NUP210L: variants seen among roughly 807,000 people sequenced by gnomAD.
The protein encoded by NUP210L is nuclear pore membrane glycoprotein 210-like.
A neutral mutation model predicts 208.5 loss-of-function variants in NUP210L; 74 were observed. The ratio of observed to expected loss-of-function variants is 0.35; its 90% CI spans 0.29 to 0.43. The LOEUF (loss-of-function observed/expected upper bound fraction) is 0.43, where lower values mean the gene tolerates loss of function less well. NUP210L is among the 20% of genes least tolerant of loss of function. The probability of loss-of-function intolerance (pLI) is 1.00; values close to 1 mark genes in which losing one functional copy is unlikely to be tolerated. For missense variants in NUP210L, 1,843 were observed against 2,289.4 expected (o/e 0.81, Z 3.98); for synonymous variants, 780 against 816.9 (o/e 0.95, Z 0.77).
At chr1:154,127,108 TAAA>T (rs5777889) in intron 9 of NUP210L, among the ~76,000 whole-genome samples, 200 bp downstream of exon 9, 1 of 132,538 alleles carries the variant, frequency 7.5e-6, no homozygotes, top group Non-Finnish European at 1.6e-5. Context: ...TGTGTCTCTT[TAAA>T]AAAAAAAAAA....
exon 40 of NUP210L, chr1:153,992,840 G>T (rs1436463804): frequency 2.5e-6 from 4 of 1,608,282 alleles, no homozygotes; most frequent in Non-Finnish European, 3.4e-6. Flanking sequence ...AGAGGTTAGT[G>T]CCTTATACTC....
intron 6 of NUP210L, among the ~76,000 whole-genome samples, chr1:154,137,061 G>A (rs976684690): frequency 6.6e-6 from 1 of 151,966 alleles, no homozygotes; most frequent in Admixed American, 6.6e-5. Context: ...CTGGTAAAGT[G>A]TCTTAACTTG....
chr1:154,098,058 G>C (rs1656260255), intron 14 of NUP210L, among the ~76,000 whole-genome samples: 1 of 152,192 alleles, frequency 6.6e-6, no homozygotes, highest in Non-Finnish European at 1.5e-5. Context: ...GAGTGAGGAA[G>C]CATGGGGTCC....
intron 30 of NUP210L, among the ~76,000 whole-genome samples, chr1:154,025,252 G>A (rs1187135583): frequency 3.3e-5 from 5 of 151,748 alleles, no homozygotes; most frequent in African/African-American, 9.7e-5. Flanking sequence ...TATAACAAGG[G>A]CTCTAAAGTT....
chr1:154,144,205 T>C (rs1398220983), intron 2 of NUP210L, among the ~76,000 whole-genome samples: 1 of 151,922 alleles, frequency 6.6e-6, no homozygotes, highest in African/African-American at 2.4e-5. Flanking sequence ...AAATAAAAAA[T>C]AAAAAGTGAA....
intron 27 of NUP210L, among the ~76,000 whole-genome samples, chr1:154,043,682 A>T (rs1028510217): frequency 4.8e-5 from 7 of 146,730 alleles, no homozygotes; most frequent in Non-Finnish European, 7.4e-5. Context: ...GCTGGAGTGC[A>T]GTGGCGTGAT....
At chr1:154,099,679 A>C (rs1245894957) in intron 14 of NUP210L, among the ~76,000 whole-genome samples, 9 of 152,236 alleles carry the variant, frequency 5.9e-5, no homozygotes, top group Non-Finnish European at 1.3e-4. Context: ...AAAAATTCAG[A>C]TAGCACCTGA....
intron 31 of NUP210L, 150 bp downstream of exon 31, chr1:154,022,972 G>A: frequency 1.5e-6 from 1 of 667,138 alleles, no homozygotes; most frequent in Non-Finnish European, 2.5e-6. Context: ...CCACCCACCT[G>A]GCCTCACTTA....
rs146661088 is a variant in NUP210L, at chr1:154,049,932, T to G, written c.3484-3563A>C. 4.7e-3 allele frequency among the ~76,000 whole-genome samples: 713 copies of G among 152,286 alleles called. 2 individuals are homozygous for G. Among genetic ancestry groups the G allele is most frequent in the Middle Eastern group, 6.8e-3 (2 of 294 alleles). ...TGTTGCCAGAAGGCATGTTAAACAG[T>G]CCAGCAATTTGCCAGAAGTATGTAG... On this transcript the variant is annotated intron_variant, in intron 25 of 39. Coordinates refer to ENST00000368559, the Ensembl canonical transcript of NUP210L.
At chr1:154,000,707 T>A in intron 37 of NUP210L, 149 bp downstream of exon 37, 1 of 674,774 alleles carries the variant, frequency 1.5e-6, no homozygotes, top group Admixed American at 2.6e-5. Context: ...ATTTAAACTG[T>A]TTATTTCAGG....
chr1:154,131,774 T>C (rs987638298), intron 7 of NUP210L, among the ~76,000 whole-genome samples: 10 of 152,122 alleles, frequency 6.6e-5, no homozygotes, highest in African/African-American at 2.4e-4. Context: ...AGGAAACTCC[T>C]CTTTCTGGTT....
chr1:154,007,288 T>G (rs1382188089), intron 35 of NUP210L, among the ~76,000 whole-genome samples: 1 of 150,720 alleles, frequency 6.6e-6, no homozygotes, highest in Non-Finnish European at 1.5e-5. Context: ...TTGAGACAGA[T>G]TTTCGCTCTT....
chr1:154,048,053 T>C (rs1212848323), intron 25 of NUP210L, among the ~76,000 whole-genome samples: 1 of 152,144 alleles, frequency 6.6e-6, no homozygotes, highest in Non-Finnish European at 1.5e-5. Context: ...ATTTTCACAC[T>C]GATGATGTGG....
intron 14 of NUP210L, among the ~76,000 whole-genome samples, chr1:154,096,987 A>G (rs1448598045): frequency 6.6e-6 from 1 of 152,184 alleles, no homozygotes; most frequent in African/African-American, 2.4e-5. Context: ...AGGCTGAGGC[A>G]CAAGAATCGC....
chr1:154,141,026 T>A (rs1487943279), intron 4 of NUP210L, among the ~76,000 whole-genome samples: 2 of 151,632 alleles, frequency 1.3e-5, no homozygotes, highest in Non-Finnish European at 2.9e-5. Flanking sequence ...GAAAGGGATT[T>A]ATGAGCCTCT....
chr1:154,124,299 A>G (rs1460343819), intron 10 of NUP210L, among the ~76,000 whole-genome samples: 1 of 152,122 alleles, frequency 6.6e-6, no homozygotes, highest in African/African-American at 2.4e-5. Flanking sequence ...TATTGAATAC[A>G]GAAGCTGAGG....
chr1:154,117,674 T>C, intron 12 of NUP210L, 51 bp downstream of exon 12: 1 of 1,410,276 alleles, frequency 7.1e-7, no homozygotes, highest in Non-Finnish European at 9.8e-7. Flanking sequence ...ATTACTTAAA[T>C]TTAGACAGTA....
At chr1:154,119,428 A>C (rs2148101166) in intron 10 of NUP210L, among the ~76,000 whole-genome samples, 1 of 152,150 alleles carries the variant, frequency 6.6e-6, no homozygotes, top group East Asian at 1.9e-4. Flanking sequence ...TCTCTACTAA[A>C]AATACAAAAA....
chr1:154,012,776 G>T (rs1651003235), intron 33 of NUP210L, among the ~76,000 whole-genome samples: 1 of 151,552 alleles, frequency 6.6e-6, no homozygotes, highest in South Asian at 2.1e-4. Context: ...GGCCGAGGCG[G>T]GCGGCTCACC....
Sources: gnomAD v4.1 joint callset for allele counts (sites outside exome capture counted in the v4.1 genomes callset) on GRCh38, gnomAD v4.1.1 for gene constraint, MANE v1.5 for transcripts, NCBI Gene and HGNC (gene_info 2026-07-23, HGNC 2026-07-21) for gene names.